MINPP1: variants seen among roughly 807,000 people sequenced by gnomAD.
MINPP1 encodes multiple inositol-polyphosphate phosphatase 1, also known as multiple inositol polyphosphate phosphatase 1.
MINPP1 carries 28 observed loss-of-function variants against 46.1 expected under a neutral mutation model. The observed-to-expected ratio is 0.61, with a 90% CI of 0.45 to 0.83. MINPP1 has a LOEUF of 0.83. Among genes scored for constraint, MINPP1 ranks in the 40% least tolerant of loss-of-function variants. The pLI, the probability that MINPP1 is intolerant of heterozygous loss-of-function variation, is 0.00. For missense variants in MINPP1, 603 were observed against 610.0 expected (o/e 0.99, Z 0.12); for synonymous variants, 268 against 249.1 (o/e 1.08, Z -0.72).
chr10:87,512,702 C>G (rs1851353112), intron 2 of MINPP1, among the ~76,000 whole-genome samples: 1 of 152,022 alleles, frequency 6.6e-6, no homozygotes, highest in South Asian at 2.1e-4. Context: ...GTTGATATTG[C>G]TAGGCAAATA....
In MINPP1 at chr10:87,532,125, A is replaced by G. The variant is rs768762014; in HGVS notation, c.1067+10956A>G. On this transcript the variant is annotated intron_variant, in intron 4 of 4. Transcript: ENST00000371996. ...TCTACCACCCCTGCCCCCCTTGGCA[A>G]TTGTCCAAATAATGAAAACAAGAGC... Among the ~76,000 whole-genome samples the G allele has an allele frequency of 1.4e-4, 22 of 152,180 alleles. 1 individual carries two copies. Among genetic ancestry groups the G allele is most frequent in the Non-Finnish European group, 7.4e-5 (5 of 68,020 alleles).
intron 4 of MINPP1, 27 bp from the exon 5 acceptor site, chr10:87,552,055 T>G (rs909344475): frequency 7.0e-6 from 11 of 1,576,450 alleles, no homozygotes; most frequent in Non-Finnish European, 9.6e-6. Flanking sequence ...TATATATACC[T>G]TATTTTCTCT....
intron 4 of MINPP1, among the ~76,000 whole-genome samples, chr10:87,536,403 T>G (rs1851735768): frequency 6.6e-6 from 1 of 152,204 alleles, no homozygotes; most frequent in South Asian, 2.1e-4. Flanking sequence ...TGATGTGTTT[T>G]TTAATAACTC....
chr10:87,508,258 A>G (rs764592898), intron 1 of MINPP1, 78 bp from the exon 2 acceptor site: 1 of 1,576,472 alleles, frequency 6.3e-7, no homozygotes, highest in Non-Finnish European at 8.6e-7. Context: ...CCTTTTTCAC[A>G]CTTAACATTT....
In MINPP1 at chr10:87,505,686, G is replaced by T; in HGVS notation, c.637+134G>T. 1 of 801,990 alleles carries T rather than the reference G, an allele frequency of 1.2e-6. No homozygotes were observed. The highest frequency in any genetic ancestry group is 1.8e-5 in the South Asian group (1 of 57,098). 49.7% of individuals were successfully genotyped at this position (801,990 alleles called of 1,614,324 possible). A position where few individuals can be genotyped will look rare whatever the true frequency, so the allele number is the denominator to read the frequency against. ...CTCTTTTCCCAAGCCATCATCCCTCGGGCTACGTCCTCCCTGTCGAGGGAT... is the reference window on the plus strand; with the variant it reads ...CTCTTTTCCCAAGCCATCATCCCTCTGGCTACGTCCTCCCTGTCGAGGGAT... On this transcript the variant is annotated intron_variant, in intron 1 of 4. Coordinates refer to ENST00000371996, the MANE Select transcript of MINPP1 (RefSeq NM_004897.5). The surrounding 1 kb of genome is among the most constrained non-coding windows in gnomAD (Gnocchi z 4.4).
chr10:87,527,146 A>T (rs1851589213), intron 4 of MINPP1, among the ~76,000 whole-genome samples: 1 of 152,176 alleles, frequency 6.6e-6, no homozygotes, highest in South Asian at 2.1e-4. Flanking sequence ...CAGTATGACC[A>T]TTTTCACTAT....
chr10:87,516,712 C>A (rs1410467427), intron 3 of MINPP1, among the ~76,000 whole-genome samples: 1 of 103,842 alleles, frequency 9.6e-6, no homozygotes, highest in Admixed American at 9.1e-5. Context: ...ATTTAATATA[C>A]CTATAAAAGT....
intron 2 of MINPP1, among the ~76,000 whole-genome samples, chr10:87,510,714 G>T (rs1048323331): frequency 2.0e-5 from 3 of 152,278 alleles, no homozygotes; most frequent in South Asian, 2.1e-4. Flanking sequence ...TGGCAACATG[G>T]TGAAACCCTG....
At chr10:87,549,741 A>G (rs1033201376) in intron 4 of MINPP1, among the ~76,000 whole-genome samples, 3 of 152,206 alleles carry the variant, frequency 2.0e-5, no homozygotes, top group African/African-American at 4.8e-5. Context: ...TGTTGCTGCT[A>G]TCCTCCCTGA....
At position 87,521,327 on chromosome 10, in the gene MINPP1, A is replaced by G. The variant is rs1045633705; in HGVS notation, c.1067+158A>G. The stretch of plus-strand genomic sequence containing the variant: ...AAAGAATTCGATAACATATATGTAA[A>G]TTATAAAACATACGAACCTTCCACT... On this transcript the variant is annotated intron_variant, in intron 4 of 4. Transcript: ENST00000371996. 7.9e-5 allele frequency among the ~76,000 whole-genome samples: 12 copies of G among 152,336 alleles called. No individual in the cohort carries two copies. In the East Asian group the frequency reaches 2.3e-3, roughly 29 times the overall value.
intron 2 of MINPP1, among the ~76,000 whole-genome samples, chr10:87,510,541 G>T (rs977506223): frequency 2.6e-5 from 4 of 152,164 alleles, no homozygotes; most frequent in African/African-American, 9.6e-5. Context: ...ACTCTTTCAG[G>T]TAATGCTACA....
At chr10:87,532,982 CT>C (rs5786778) in intron 4 of MINPP1, among the ~76,000 whole-genome samples, 69,455 of 144,926 alleles carry the variant, frequency 0.48, 15,908 homozygotes, top group Admixed American at 0.53. Context: ...AAACATTAGC[CT>C]TTTTTTTTTT....
chr10:87,517,953 C>G (rs1851436895), intron 3 of MINPP1, among the ~76,000 whole-genome samples: 1 of 150,762 alleles, frequency 6.6e-6, no homozygotes, highest in Admixed American at 6.6e-5. Flanking sequence ...TGAGCCACTG[C>G]ACCTGGCCTT....
At chr10:87,536,229 A>G (rs1361881343) in intron 4 of MINPP1, among the ~76,000 whole-genome samples, 1 of 152,214 alleles carries the variant, frequency 6.6e-6, no homozygotes, top group Non-Finnish European at 1.5e-5. Context: ...CAAAGTTTAG[A>G]GAACACTTAT....
At chr10:87,515,007 C>T (rs192718501) in intron 3 of MINPP1, among the ~76,000 whole-genome samples, 6 of 152,144 alleles carry the variant, frequency 3.9e-5, no homozygotes, top group South Asian at 2.1e-4. Flanking sequence ...TCAGCCACCA[C>T]TCCTGGCCAG....
chr10:87,508,390 A>G lies in MINPP1; in HGVS notation c.692A>G (p.His231Arg), dbSNP rs1468025041. The part of the protein sequence containing the change: ...VNDKLMRFFD[H>R]CEKFLTEVEK... ...GATAAACTAATGAGATTTTTTGATC[A>G]CTGTGAGAAGTTTTTAACTGAAGTA... is the stretch of plus-strand genomic sequence containing the variant. The change falls in exon 2 of 5, where the codon CAC (histidine) becomes CGC (arginine). Residue 231 changes from histidine to arginine, a missense_variant. Transcript: ENST00000371996. 2 of 1,612,990 alleles carry G rather than the reference A, an allele frequency of 1.2e-6. No homozygotes were observed. Among genetic ancestry groups the G allele is most frequent in the African/African-American group, 1.3e-5 (1 of 74,820 alleles).
chr10:87,510,758 A>G (rs1046162348), intron 2 of MINPP1, among the ~76,000 whole-genome samples: 3 of 152,244 alleles, frequency 2.0e-5, no homozygotes, highest in African/African-American at 7.2e-5. Flanking sequence ...AGCCAGTCTT[A>G]TAACTTGGTC....
At chr10:87,521,521 T>A (rs1851501360) in intron 4 of MINPP1, among the ~76,000 whole-genome samples, 1 of 152,186 alleles carries the variant, frequency 6.6e-6, no homozygotes. Flanking sequence ...ATATTATGAA[T>A]GTATTGGTGC....
At position 87,552,219 on chromosome 10, in the gene MINPP1, A is replaced by C. The variant is rs1226212437; in HGVS notation, c.1205A>C (p.Lys402Thr). The C allele has an allele frequency of 6.2e-7, 1 of 1,613,876 alleles. No individual in the cohort carries two copies. The highest frequency in any genetic ancestry group is 1.1e-5 in the South Asian group (1 of 91,074). ...AYNYKKQMHR[K>T]FRSGLIVPYA... ...AATTACAAAAAACAAATGCATCGGA[A>C]GTTCCGAAGTGGTCTCATTGTACCT... The change falls in exon 5 of 5, where the codon AAG becomes ACG. Residue 402 changes from lysine to threonine, a missense_variant. Around this residue, in one of 3 missense-constraint regions of MINPP1, gnomAD observed 344 missense variants for 381.1 expected, o/e 0.90. Coordinates refer to ENST00000371996, the MANE Select transcript of MINPP1 (RefSeq NM_004897.5).
Sources: allele counts gnomAD v4.1 joint callset (sites outside exome capture counted in the v4.1 genomes callset), GRCh38; gene constraint gnomAD v4.1.1; regional missense constraint gnomAD v4.1.1; non-coding constraint Gnocchi (gnomAD v3.1); transcripts MANE v1.5; gene names NCBI Gene and HGNC (gene_info 2026-07-23, HGNC 2026-07-21).